Variants in NAV2 observed in about 807,000 individuals in gnomAD.
NAV2 encodes neuron navigator 2, also known as helicase, APC down-regulated 1.
A neutral mutation model predicts 223.2 loss-of-function variants in NAV2; 54 were observed. That is an observed-to-expected ratio of 0.24 (90% CI 0.19 to 0.30). The LOEUF (loss-of-function observed/expected upper bound fraction) is 0.30. Among genes scored for constraint, NAV2 ranks in the 10% least tolerant of loss-of-function variants. NAV2 has a pLI of 1.00. For missense variants in NAV2, 2,806 were observed against 3,147.5 expected (o/e 0.89, Z 2.60); for synonymous variants, 1,279 against 1,239.3 (o/e 1.03, Z -0.67).
intron 1 of NAV2, among the ~76,000 whole-genome samples, chr11:19,477,273 T>A (rs2042147449): frequency 1.3e-5 from 2 of 152,368 alleles, no homozygotes; most frequent in South Asian, 2.1e-4. Context: ...CCAACTCTGC[T>A]GTTCTCTGTT....
intron 1 of NAV2, among the ~76,000 whole-genome samples, chr11:19,722,432 C>A (rs1476872312): frequency 6.6e-6 from 1 of 152,326 alleles, no homozygotes; most frequent in African/African-American, 2.4e-5. Context: ...TCCTCCCACA[C>A]TTTACCCACA....
intron 1 of NAV2, among the ~76,000 whole-genome samples, chr11:19,779,827 G>A (rs182363288): frequency 4.6e-5 from 7 of 152,264 alleles, no homozygotes; most frequent in African/African-American, 1.4e-4. Context: ...AATGGGCCCT[G>A]GGAAAACAAA....
At position 20,039,159 on chromosome 11, in the gene NAV2, G is replaced by T. The variant is rs537064478; in HGVS notation, c.2907+3062G>T. 2.0e-5 allele frequency among the ~76,000 whole-genome samples: 3 copies of T among 152,282 alleles called. No individual in the cohort carries two copies. In the East Asian group the frequency reaches 5.8e-4, roughly 29 times the overall value. ...AGTCCGGTTGGCCAAGCAAATTGAGGTGTCAGGGAGTAGGTGTGGACCTGG... is the reference window on the plus strand; with the variant it reads ...AGTCCGGTTGGCCAAGCAAATTGAGTTGTCAGGGAGTAGGTGTGGACCTGG... On this transcript the variant is annotated intron_variant, in intron 12 of 37. Coordinates refer to ENST00000349880, the MANE Select transcript of NAV2 (RefSeq NM_145117.5).
At chr11:20,107,605 C>G (rs1383847874) in intron 35 of NAV2, 59 bp from the exon 36 acceptor site, 2 of 1,356,196 alleles carry the variant, frequency 1.5e-6, no homozygotes, top group African/African-American at 1.4e-5. Context: ...ATGGCTTCAC[C>G]TGATGCCCCA....
chr11:19,886,051 C>T (rs921278324), intron 5 of NAV2, among the ~76,000 whole-genome samples: 8 of 152,282 alleles, frequency 5.3e-5, no homozygotes, highest in Non-Finnish European at 8.8e-5. Context: ...GCTATCATGG[C>T]GCTATCATGG....
At chr11:19,674,993 G>A (rs926124006) in intron 1 of NAV2, among the ~76,000 whole-genome samples, 3 of 152,206 alleles carry the variant, frequency 2.0e-5, no homozygotes, top group Non-Finnish European at 4.4e-5. Context: ...AAGGTGCCTA[G>A]CAGAGATCAA....
At chr11:19,692,548 CTTG>C (rs1485060384) in intron 1 of NAV2, among the ~76,000 whole-genome samples, 2 of 152,184 alleles carry the variant, frequency 1.3e-5, no homozygotes, top group African/African-American at 4.8e-5. Context: ...TGTTTGAGTC[CTTG>C]TTGTTGCAAA....
At chr11:19,572,344 G>A (rs867538184) in intron 1 of NAV2, among the ~76,000 whole-genome samples, 4 of 152,196 alleles carry the variant, frequency 2.6e-5, no homozygotes, top group Non-Finnish European at 4.4e-5. Context: ...GAGACTTGGG[G>A]ATATGGCATC....
At chr11:20,113,599 T>G (rs926279436) in intron 36 of NAV2, among the ~76,000 whole-genome samples, 2 of 152,210 alleles carry the variant, frequency 1.3e-5, no homozygotes, top group African/African-American at 4.8e-5. Flanking sequence ...AGAGAAGCCC[T>G]CATAATTTCA....
At chr11:19,847,969 G>T (rs2060897042) in intron 3 of NAV2, among the ~76,000 whole-genome samples, 1 of 152,170 alleles carries the variant, frequency 6.6e-6, no homozygotes, top group Non-Finnish European at 1.5e-5. Flanking sequence ...AAATCTTCTA[G>T]CTCTCTCCTC....
intron 11 of NAV2, chr11:20,023,243 C>A: frequency 1.3e-6 from 1 of 793,366 alleles, no homozygotes; most frequent in Non-Finnish European, 1.9e-6. Flanking sequence ...TGTGGTGCAG[C>A]TGCCTAAATC....
chr11:19,904,180 C>A (rs1160109148), intron 6 of NAV2, among the ~76,000 whole-genome samples: 2 of 152,178 alleles, frequency 1.3e-5, no homozygotes, highest in Non-Finnish European at 2.9e-5. Context: ...ATAAATGATT[C>A]TCTCCCTTAT....
At chr11:19,582,287 C>G (rs1035128810) in intron 1 of NAV2, among the ~76,000 whole-genome samples, 31 of 152,036 alleles carry the variant, frequency 2.0e-4, no homozygotes, top group African/African-American at 7.0e-4. Context: ...ATGAGTAGAT[C>G]GCAACAATTT....
At chr11:19,936,815 C>T (rs1450887682) in intron 7 of NAV2, among the ~76,000 whole-genome samples, 1 of 152,132 alleles carries the variant, frequency 6.6e-6, no homozygotes, top group Admixed American at 6.5e-5. Flanking sequence ...CCCCAAGTCA[C>T]AGAACTAGAC....
intron 1 of NAV2, among the ~76,000 whole-genome samples, chr11:19,636,489 ATTTT>A (rs5790080): frequency 7.3e-6 from 1 of 136,224 alleles, no homozygotes; most frequent in Non-Finnish European, 1.6e-5. Context: ...GTTCTGCAGT[ATTTT>A]TTTTTTTTTT....
chr11:19,779,999 C>T (rs1021593359), intron 1 of NAV2, among the ~76,000 whole-genome samples: 1 of 152,216 alleles, frequency 6.6e-6, no homozygotes, highest in African/African-American at 2.4e-5. Context: ...AACATGAAAT[C>T]AGTTAACCCA....
chr11:19,814,096 T>C (rs74938151), intron 1 of NAV2, among the ~76,000 whole-genome samples: 114 of 152,208 alleles, frequency 7.5e-4, no homozygotes, highest in African/African-American at 2.6e-3. Context: ...TTAGAGCAGG[T>C]AGAGAAAGAT....
intron 1 of NAV2, among the ~76,000 whole-genome samples, chr11:19,746,217 T>C (rs2053325368): frequency 6.6e-6 from 1 of 152,130 alleles, no homozygotes; most frequent in Admixed American, 6.5e-5. Flanking sequence ...TCCCTGAACA[T>C]CTCATATGTG....
chr11:20,007,066 C>T (rs2053146615), intron 11 of NAV2, among the ~76,000 whole-genome samples: 1 of 152,074 alleles, frequency 6.6e-6, no homozygotes, highest in African/African-American at 2.4e-5. Flanking sequence ...AAACAATCCT[C>T]CCACCTCAGC....
Sources: allele counts gnomAD v4.1 joint callset (sites outside exome capture counted in the v4.1 genomes callset), GRCh38; gene constraint gnomAD v4.1.1; transcripts MANE v1.5; gene names NCBI Gene and HGNC (gene_info 2026-07-23, HGNC 2026-07-21).